Variants in DPF3 observed in about 807,000 individuals in gnomAD.
The protein encoded by DPF3 is zinc finger protein DPF3.
DPF3 carries 18 observed loss-of-function variants against 56.8 expected under a neutral mutation model. That is an observed-to-expected ratio of 0.32 (90% CI 0.22 to 0.47). The LOEUF (loss-of-function observed/expected upper bound fraction) is 0.47. Ranked by LOEUF, DPF3 falls within the 20% of genes least tolerant of loss-of-function variation. The probability of loss-of-function intolerance (pLI) is 1.00; values close to 1 mark genes in which losing one functional copy is unlikely to be tolerated. For synonymous variants in DPF3, 188 were observed against 180.2 expected (o/e 1.04, Z -0.35); for missense variants, 403 against 488.8 (o/e 0.82, Z 1.65).
chr14:72,684,266 C>T (rs988708871), intron 7 of DPF3, among the ~76,000 whole-genome samples: 2 of 152,024 alleles, frequency 1.3e-5, no homozygotes, highest in Non-Finnish European at 2.9e-5. Flanking sequence ...AGGCTGGACT[C>T]GAACTCCTGA....
At chr14:72,693,496 C>A (rs1473126240) in intron 6 of DPF3, among the ~76,000 whole-genome samples, 1 of 152,168 alleles carries the variant, frequency 6.6e-6, no homozygotes, top group Non-Finnish European at 1.5e-5. Flanking sequence ...AGTCACTTGA[C>A]CTCTCTGTGC....
intron 6 of DPF3, among the ~76,000 whole-genome samples, chr14:72,706,252 C>A (rs371825992): frequency 3.3e-5 from 5 of 152,204 alleles, no homozygotes; most frequent in Non-Finnish European, 7.3e-5. Context: ...TCCATCCATG[C>A]GCCCTAAGGG....
At chr14:72,700,956 T>A (rs960500551) in intron 6 of DPF3, among the ~76,000 whole-genome samples, 1 of 152,210 alleles carries the variant, frequency 6.6e-6, no homozygotes, top group African/African-American at 2.4e-5. Flanking sequence ...GGGGAGTTAT[T>A]TCTCCTCTGA....
intron 2 of DPF3, among the ~76,000 whole-genome samples, chr14:72,754,596 AC>A (rs1388864243): frequency 6.6e-6 from 1 of 152,338 alleles, no homozygotes; most frequent in Non-Finnish European, 1.5e-5. Flanking sequence ...CACTGTGCAC[AC>A]CTAGGACCAT....
chr14:72,859,633 G>A lies in DPF3; in HGVS notation c.32+34424C>T, dbSNP rs1885317927. Reference sequence around the variant, plus strand: ...TCCCACACACCTCCGCTCAAAGTCAGCTGTTTGCTGTAGAGGTAGAACAGC... The same window carrying A: ...TCCCACACACCTCCGCTCAAAGTCAACTGTTTGCTGTAGAGGTAGAACAGC... On this transcript the variant is annotated intron_variant, in intron 1 of 10. Coordinates refer to ENST00000556509, the MANE Select transcript of DPF3 (RefSeq NM_001280542.3). Among the ~76,000 whole-genome samples, 3 of 152,154 alleles carry A rather than the reference G, an allele frequency of 2.0e-5. No homozygotes were observed. In the South Asian group the frequency reaches 6.2e-4, roughly 31 times the overall value.
Position 72,649,663 on chromosome 14 carries a change from G to GGGT in DPF3, c.872-19928_872-19927insACC, listed in dbSNP as rs569806282. Among the ~76,000 whole-genome samples the GGGT allele has an allele frequency of 8.0e-3, 1,116 of 138,918 alleles. 24 individuals carry two copies. The highest frequency in any genetic ancestry group is 0.027 in the African/African-American group (1,029 of 38,312). 91.1% of individuals were successfully genotyped at this position (138,918 alleles called of 152,430 possible). The stretch of plus-strand genomic sequence containing the variant: ...AATTGTCTCACTCATCCCTGGGTGG[G>GGGT]GGGGGGGATTAATGTATTAGTACTA... On this transcript the variant is annotated intron_variant, in intron 8 of 10. Transcript: ENST00000556509.
At chr14:72,838,908 C>CTTTTTATTT (rs1884428334) in intron 1 of DPF3, among the ~76,000 whole-genome samples, 1 of 78,618 alleles carries the variant, frequency 1.3e-5, no homozygotes, top group African/African-American at 6.9e-5. Context: ...CATATATATT[C>CTTTTTATTT]TTTTTTTTTT....
intron 8 of DPF3, among the ~76,000 whole-genome samples, chr14:72,644,788 C>G (rs554588434): frequency 1.3e-5 from 2 of 152,296 alleles, no homozygotes; most frequent in African/African-American, 4.8e-5. Flanking sequence ...AAACCATCAA[C>G]CATCTCTAAA....
At chr14:72,889,204 G>A (rs937792473) in intron 1 of DPF3, among the ~76,000 whole-genome samples, 1 of 152,148 alleles carries the variant, frequency 6.6e-6, no homozygotes. Flanking sequence ...AGTCTTCAAT[G>A]TCTCCCGGGA....
chr14:72,848,068 C>T (rs1015763771), intron 1 of DPF3, among the ~76,000 whole-genome samples: 3 of 152,206 alleles, frequency 2.0e-5, no homozygotes, highest in African/African-American at 7.2e-5. Context: ...TGAATGATGA[C>T]TTTCTGGACC....
rs1376116856 is a variant in DPF3 at position 72,619,048 on chromosome 14, G to A, written c.*249C>T. Among the ~76,000 whole-genome samples, 1 of 152,226 alleles carries A rather than the reference G, an allele frequency of 6.6e-6. No homozygotes were observed. The highest frequency in any genetic ancestry group is 1.5e-5 in the Non-Finnish European group (1 of 68,036). On this transcript the variant is annotated 3_prime_UTR_variant, in exon 11 of 11. Transcript: ENST00000556509. ...AGAGGGGTTCCACAGGGCTGGGGCC[G>A]GAGGTGTTCTCCCAAAGTGCAACTT...
At chr14:72,868,009 G>A (rs1885746430) in intron 1 of DPF3, among the ~76,000 whole-genome samples, 1 of 151,964 alleles carries the variant, frequency 6.6e-6, no homozygotes, top group Admixed American at 6.6e-5. Flanking sequence ...CCAAAGTGCT[G>A]GATTACTGAG....
intron 3 of DPF3, among the ~76,000 whole-genome samples, chr14:72,751,382 C>T (rs564656848): frequency 6.6e-6 from 1 of 152,320 alleles, no homozygotes; most frequent in Admixed American, 6.5e-5. Flanking sequence ...CACACTTCAT[C>T]GTGCATTCTG....
intron 1 of DPF3, among the ~76,000 whole-genome samples, chr14:72,824,207 C>G (rs1883682332): frequency 6.6e-6 from 1 of 152,108 alleles, no homozygotes; most frequent in Non-Finnish European, 1.5e-5. Flanking sequence ...ATGTCTGCCC[C>G]AAGCCCAGCC....
Position 72,746,735 on chromosome 14 carries a change from G to C in DPF3, c.301+6529C>G, listed in dbSNP as rs149130877. On this transcript the variant is annotated intron_variant, in intron 3 of 10. Coordinates refer to ENST00000556509, the MANE Select transcript of DPF3 (RefSeq NM_001280542.3). ...TTCCCCGGGACCCTGCCCATCCCTG[G>C]GGTGGACTTTCACCACTGGAAACCT... 2.4e-4 allele frequency among the ~76,000 whole-genome samples: 37 copies of C among 152,348 alleles called. No individual in the cohort carries two copies. In the East Asian group the frequency reaches 7.0e-3, roughly 29 times the overall value.
At chr14:72,756,117 G>GAGGGGAAACACA (rs1171162356) in intron 2 of DPF3, among the ~76,000 whole-genome samples, 1 of 152,158 alleles carries the variant, frequency 6.6e-6, no homozygotes, top group East Asian at 1.9e-4. Flanking sequence ...GGACATGAAG[G>GAGGGGAAACACA]AGGGGAAACA....
intron 3 of DPF3, among the ~76,000 whole-genome samples, chr14:72,745,253 C>T (rs1171685650): frequency 6.6e-6 from 1 of 152,136 alleles, no homozygotes; most frequent in Non-Finnish European, 1.5e-5. Context: ...CAATGTTGTA[C>T]AATTTGCTTT....
At chr14:72,620,005 C>T in intron 9 of DPF3, 21 bp from the exon 10 acceptor site, 9 of 1,525,782 alleles carry the variant, frequency 5.9e-6, no homozygotes, top group Non-Finnish European at 7.9e-6. Flanking sequence ...ACAGAGTAAG[C>T]ACAGAGGAGG....
chr14:72,771,857 G>A lies in DPF3; in HGVS notation c.69C>T (p.His23=), dbSNP rs202153764. 6.2e-7 allele frequency: 1 copy of A among 1,608,752 alleles called. No individual in the cohort carries two copies. The highest frequency in any genetic ancestry group is 2.3e-5 in the East Asian group (1 of 44,364). The part of the protein sequence containing the change: ...GDQFYKEAIE[H]CRSYNSRLCA... The stretch of plus-strand genomic sequence containing the variant: ...ACAGCCGTGAGTTGTAACTCCGGCA[G>A]TGCTCAATGGCTTCCTTGTAGAACT... The change falls in exon 2 of 11, where the codon CAC becomes CAT. Residue 23 remains histidine, a synonymous_variant. Transcript: ENST00000556509.
Sources: allele counts gnomAD v4.1 joint callset (sites outside exome capture counted in the v4.1 genomes callset), GRCh38; gene constraint gnomAD v4.1.1; transcripts MANE v1.5; gene names NCBI Gene and HGNC (gene_info 2026-07-23, HGNC 2026-07-21).